The following TVP23C variants were observed in gnomAD, a reference collection of about 807,000 sequenced individuals.
TVP23C encodes Golgi apparatus membrane protein TVP23 homolog C.
A neutral mutation model predicts 28.7 loss-of-function variants in TVP23C; 19 were observed. The observed-to-expected ratio is 0.66, with a 90% CI of 0.46 to 0.97. The LOEUF is 0.97. TVP23C is among the 50% of genes least tolerant of loss of function. TVP23C has a pLI of 0.00. For missense variants in TVP23C, 186 were observed against 241.3 expected, an observed-to-expected ratio of 0.77 and a Z score of 1.52; for synonymous variants, 68 against 81.7, an observed-to-expected ratio of 0.83 and a Z score of 0.90.
intron 5 of TVP23C, among the ~76,000 whole-genome samples, chr17:15,542,915 A>G (rs1422009035): frequency 2.0e-5 from 3 of 152,244 alleles, no homozygotes; most frequent in Non-Finnish European, 4.4e-5. Context: ...ACTAGGCATA[A>G]GTAGGTTAAC....
At chr17:15,506,830 G>A (rs974037088) in intron 5 of TVP23C, 18 of 597,226 alleles carry the variant, frequency 3.0e-5, no homozygotes, top group Non-Finnish European at 4.9e-5. Flanking sequence ...CTTGAAGTCA[G>A]TGAGACCAAG....
In TVP23C at chr17:15,538,068, T is replaced by C. The variant is rs1322575100; in HGVS notation, c.*2344A>G. The C allele has an allele frequency of 6.2e-7, 1 of 1,606,894 alleles. No homozygotes were observed. Among genetic ancestry groups the C allele is most frequent in the Non-Finnish European group, 8.5e-7 (1 of 1,177,348 alleles). ...CAACATGGACTAAGCTCTAAAAGGT[T>C]GAGTCAAGAATCTCTTCAGTTGTTC... On this transcript the variant is annotated 3_prime_UTR_variant, in exon 6 of 6. Coordinates refer to ENST00000518321, the MANE Select transcript of TVP23C (RefSeq NM_001135036.2).
chr17:15,504,595 T>C (rs1443619102), intron 5 of TVP23C, among the ~76,000 whole-genome samples: 2 of 152,140 alleles, frequency 1.3e-5, no homozygotes, highest in Non-Finnish European at 2.9e-5. Flanking sequence ...CAGGGTCTCG[T>C]GCTTTGGCCC....
chr17:15,547,699 C>A (rs940603446), intron 3 of TVP23C, among the ~76,000 whole-genome samples: 1 of 152,140 alleles, frequency 6.6e-6, no homozygotes. Flanking sequence ...GATACCAACT[C>A]CTTCCTCAGG....
At chr17:15,503,213 G>A (rs1278439250) in exon 6 of TVP23C, 2 of 1,538,988 alleles carry the variant, frequency 1.3e-6, no homozygotes, top group Non-Finnish European at 1.7e-6. Flanking sequence ...ACCAGTCTGG[G>A]CAATGTGGCG....
chr17:15,529,792 T>C (rs1191037405), intron 5 of TVP23C, among the ~76,000 whole-genome samples: 1 of 152,104 alleles, frequency 6.6e-6, no homozygotes, highest in African/African-American at 2.4e-5. Flanking sequence ...TTTTTGCCAA[T>C]CTGTTTTTTG....
At chr17:15,515,910 C>T (rs752070860) in intron 5 of TVP23C, among the ~76,000 whole-genome samples, 2 of 152,136 alleles carry the variant, frequency 1.3e-5, no homozygotes, top group African/African-American at 2.4e-5. Context: ...TTCTCATGAA[C>T]GGTTAGCACC....
chr17:15,503,005 T>C (rs1198885291), exon 6 of TVP23C: 2 of 1,614,022 alleles, frequency 1.2e-6, no homozygotes, highest in Non-Finnish European at 1.7e-6. Flanking sequence ...GGCAGTTGCC[T>C]GGAGCCGCAC....
chr17:15,555,809 A>C (rs1350595391), intron 1 of TVP23C, among the ~76,000 whole-genome samples: 2 of 151,972 alleles, frequency 1.3e-5, no homozygotes, highest in Non-Finnish European at 2.9e-5. Context: ...AGGCTAAACC[A>C]ATTATTTGTG....
intron 5 of TVP23C, 114 bp downstream of exon 5, chr17:15,545,671 G>A: frequency 7.1e-7 from 1 of 1,402,498 alleles, no homozygotes; most frequent in Non-Finnish European, 9.4e-7. Context: ...ACATGATGAA[G>A]CTGCCTATTC....
At chr17:15,544,503 CAG>C (rs1190823076) in intron 5 of TVP23C, among the ~76,000 whole-genome samples, 1 of 151,642 alleles carries the variant, frequency 6.6e-6, no homozygotes, top group East Asian at 1.9e-4. Context: ...CCTTTCTAAA[CAG>C]AGTCTATTAA....
chr17:15,558,401 C>T (rs1380940629), intron 1 of TVP23C, among the ~76,000 whole-genome samples: 1 of 144,042 alleles, frequency 6.9e-6, no homozygotes, highest in Admixed American at 7.2e-5. Context: ...TACCTCCTCA[C>T]CCCTCCCAAA....
At chr17:15,510,684 A>G (rs2150828763) in intron 5 of TVP23C, among the ~76,000 whole-genome samples, 1 of 152,324 alleles carries the variant, frequency 6.6e-6, no homozygotes, top group Admixed American at 6.5e-5. Context: ...AGTTCTAGCA[A>G]CATGTCAGTG....
chr17:15,507,285 G>A, intron 5 of TVP23C: 4 of 752,174 alleles, frequency 5.3e-6, no homozygotes, highest in Non-Finnish European at 9.7e-6. Flanking sequence ...GAAGCCCATG[G>A]AGCGCTTTCG....
chr17:15,514,709 A>G (rs1982148422), intron 5 of TVP23C, among the ~76,000 whole-genome samples: 1 of 152,222 alleles, frequency 6.6e-6, no homozygotes, highest in South Asian at 2.1e-4. Flanking sequence ...TTAAACACAT[A>G]AAATAATACA....
chr17:15,515,231 C>A (rs893685895), intron 5 of TVP23C, among the ~76,000 whole-genome samples: 1 of 152,164 alleles, frequency 6.6e-6, no homozygotes, highest in Non-Finnish European at 1.5e-5. Context: ...TCTCCCTGTG[C>A]AATCCAGAAC....
chr17:15,539,570 T>C lies in TVP23C; in HGVS notation c.*842A>G. 1.7e-5 allele frequency: 15 copies of C among 904,270 alleles called. No homozygotes were observed. The highest frequency in any genetic ancestry group is 1.8e-5 in the Non-Finnish European group (14 of 761,890). The allele number at this position is 904,270 out of a possible 1,614,324, so 56.0% of individuals were successfully genotyped here. ...GTAAGCCGAGATCACGCCACTGCAC[T>C]CCAGCCTGGGCGACAGAGCAAGACT... On this transcript the variant is annotated 3_prime_UTR_variant, in exon 6 of 6. Coordinates refer to ENST00000518321, the MANE Select transcript of TVP23C (RefSeq NM_001135036.2).
intron 1 of TVP23C, among the ~76,000 whole-genome samples, chr17:15,561,245 T>C (rs7211746): frequency 0.016 from 2,452 of 152,236 alleles, 67 homozygotes; most frequent in African/African-American, 0.053. Context: ...TATGGAAATG[T>C]AGAATGACCG....
chr17:15,532,847 C>T (rs1983003897), downstream of TVP23C, among the ~76,000 whole-genome samples: 1 of 152,132 alleles, frequency 6.6e-6, no homozygotes, highest in South Asian at 2.1e-4. Context: ...TCACTTAGAA[C>T]ACTAGACATT....
Sources: allele counts gnomAD v4.1 joint callset (sites outside exome capture counted in the v4.1 genomes callset), GRCh38; gene constraint gnomAD v4.1.1; transcripts MANE v1.5; gene names NCBI Gene and HGNC (gene_info 2026-07-23, HGNC 2026-07-21).